RAD51B: variants seen among roughly 807,000 people sequenced by gnomAD.
RAD51B encodes RAD51 paralog B.
A neutral mutation model predicts 42.2 loss-of-function variants in RAD51B; 38 were observed. The ratio of observed to expected loss-of-function variants is 0.90; its 90% CI spans 0.70 to 1.18. The LOEUF (loss-of-function observed/expected upper bound fraction) is 1.18. Ranked by LOEUF, RAD51B falls within the 50% of genes most tolerant of loss-of-function variation. The pLI, the probability that RAD51B is intolerant of heterozygous loss-of-function variation, is 0.00. For synonymous variants in RAD51B, 154 were observed against 145.2 expected, an observed-to-expected ratio of 1.06 and a Z score of -0.43; for missense variants, 373 against 400.7, an observed-to-expected ratio of 0.93 and a Z score of 0.59.
rs533148839 is a variant in RAD51B, at chr14:68,114,741, C to G, written c.757-177143C>G. Reference sequence around the variant, plus strand: ...TTTTATTGGATGTGAGATCATCTGCCAGAGATAATTAATTTCATATTATTT... The same window carrying G: ...TTTTATTGGATGTGAGATCATCTGCGAGAGATAATTAATTTCATATTATTT... On this transcript the variant is annotated intron_variant, in intron 7 of 10. Coordinates refer to ENST00000471583, the MANE Select transcript of RAD51B (RefSeq NM_133510.4). 2.6e-5 allele frequency among the ~76,000 whole-genome samples: 4 copies of G among 152,110 alleles called. No individual in the cohort carries two copies. In the South Asian group the frequency reaches 8.3e-4, roughly 32 times the overall value.
chr14:68,008,869 C>T (rs80168944), intron 7 of RAD51B, among the ~76,000 whole-genome samples: 3,936 of 151,812 alleles, frequency 0.026, 167 homozygotes, highest in African/African-American at 0.09. Context: ...TTTGTTTTTT[C>T]CTCCCTCATT....
intron 5 of RAD51B, among the ~76,000 whole-genome samples, chr14:67,870,970 C>A (rs940549462): frequency 2.0e-5 from 3 of 149,182 alleles, no homozygotes; most frequent in Non-Finnish European, 3.0e-5. Flanking sequence ...ACTAAATGCC[C>A]ACAAGAGAAA....
intron 10 of RAD51B, among the ~76,000 whole-genome samples, chr14:68,621,521 A>G (rs1891947948): frequency 6.6e-6 from 1 of 152,224 alleles, no homozygotes; most frequent in African/African-American, 2.4e-5. Flanking sequence ...GCCCAATTCC[A>G]GAAGAGTTGA....
At chr14:68,581,514 G>T (rs956263524) in intron 10 of RAD51B, among the ~76,000 whole-genome samples, 2 of 152,116 alleles carry the variant, frequency 1.3e-5, no homozygotes, top group Non-Finnish European at 2.9e-5. Flanking sequence ...TGTACAACAA[G>T]CAGTCTGAGG....
chr14:67,949,262 T>C (rs916726581), intron 7 of RAD51B, among the ~76,000 whole-genome samples: 5 of 152,250 alleles, frequency 3.3e-5, no homozygotes, highest in Non-Finnish European at 7.3e-5. Flanking sequence ...CTTTTAATAT[T>C]GGGATCAGTC....
At chr14:68,306,400 A>C (rs145783112) in intron 8 of RAD51B, among the ~76,000 whole-genome samples, 114 of 152,286 alleles carry the variant, frequency 7.5e-4, no homozygotes, top group African/African-American at 2.7e-3. Context: ...TCACAAATGA[A>C]ACTTCACCTA....
At chr14:68,073,155 A>G (rs943204012) in intron 7 of RAD51B, among the ~76,000 whole-genome samples, 3 of 152,098 alleles carry the variant, frequency 2.0e-5, no homozygotes, top group Non-Finnish European at 2.9e-5. Flanking sequence ...GTGGTTATCT[A>G]TGTCTTTTCG....
chr14:68,002,283 TG>T lies in RAD51B; in HGVS notation c.756+115080del, dbSNP rs374487084. Among the ~76,000 whole-genome samples the T allele has an allele frequency of 3.6e-4, 55 of 152,366 alleles. No homozygotes were observed. The East Asian group carries it at 9.4e-3, about 26-fold the overall frequency. On this transcript the variant is annotated intron_variant, in intron 7 of 10. Transcript: ENST00000471583. ...GTGGTTTTGATTTGCATTTCTCCAA[TG>T]ATCAATGATGTGGAGCTTTTTGTTA...
In RAD51B at chr14:68,577,828, C is replaced by T. The variant is rs1280087691; in HGVS notation, c.1037-16657C>T. 5.3e-5 allele frequency among the ~76,000 whole-genome samples: 8 copies of T among 152,184 alleles called. No homozygotes were observed. In the South Asian group the frequency reaches 6.2e-4, roughly 12 times the overall value. On this transcript the variant is annotated intron_variant, in intron 10 of 10. Transcript: ENST00000487270. ...CCCCGGCACTTAGAATCCTACCTGC[C>T]GTGGTGTACATGCTCAATAAGTACT...
chr14:67,943,526 A>G (rs1566970977), intron 7 of RAD51B, among the ~76,000 whole-genome samples: 1 of 152,140 alleles, frequency 6.6e-6, no homozygotes, highest in Non-Finnish European at 1.5e-5. Context: ...CCATCTATCT[A>G]TTATTCCACC....
In RAD51B at chr14:67,835,181, TG is replaced by T; in HGVS notation, c.302del (p.Gly101AspfsTer19). 1 of 1,613,456 alleles carries T rather than the reference TG, an allele frequency of 6.2e-7. No homozygotes were observed. The highest frequency in any genetic ancestry group is 8.5e-7 in the Non-Finnish European group (1 of 1,179,414). ...DEALHGGVAC[G>X]SLTEITGPPG... Reference sequence around the variant, plus strand: ...AAGCCCTGCATGGTGGTGTGGCTTGTGGATCCCTCACAGAGGTAAAGGAAAA... The same window carrying T: ...AAGCCCTGCATGGTGGTGTGGCTTGTGATCCCTCACAGAGGTAAAGGAAAA... On this transcript the variant is annotated frameshift_variant, in exon 4 of 11. Transcript: ENST00000471583. LOFTEE classifies it high-confidence loss of function.
intron 7 of RAD51B, among the ~76,000 whole-genome samples, chr14:68,137,207 C>T (rs547735643): frequency 1.2e-3 from 181 of 152,202 alleles, no homozygotes; most frequent in African/African-American, 4.1e-3. Flanking sequence ...ACCCGGGAGG[C>T]GGAGGTTGCA....
At chr14:68,479,688 T>TTTTTTTTTTTTTTTTTTTG (rs34627518), downstream of RAD51B, among the ~76,000 whole-genome samples, 1 of 137,014 alleles carries the variant, frequency 7.3e-6, no homozygotes, top group African/African-American at 2.9e-5. Context: ...TTTTTTTTTT[T>TTTTTTTTTTTTTTTTTTTG]GCCAGAGTCT....
At chr14:68,334,574 C>G (rs751772417) in intron 8 of RAD51B, among the ~76,000 whole-genome samples, 24 of 151,962 alleles carry the variant, frequency 1.6e-4, no homozygotes, top group African/African-American at 4.8e-4. Context: ...TGTAAGTGGA[C>G]CTTGCAGTTC....
At chr14:67,902,559 T>A (rs1157251811) in intron 7 of RAD51B, among the ~76,000 whole-genome samples, 1 of 152,202 alleles carries the variant, frequency 6.6e-6, no homozygotes, top group Non-Finnish European at 1.5e-5. Flanking sequence ...TGTAACGACA[T>A]CTGGCTTTTA....
chr14:67,962,104 G>A (rs1271158575), intron 7 of RAD51B, among the ~76,000 whole-genome samples: 1 of 152,122 alleles, frequency 6.6e-6, no homozygotes, highest in South Asian at 2.1e-4. Context: ...GAACTAGTAT[G>A]GAATACAATA....
intron 7 of RAD51B, among the ~76,000 whole-genome samples, chr14:67,943,994 T>G (rs2045297196): frequency 6.6e-6 from 1 of 152,164 alleles, no homozygotes; most frequent in Non-Finnish European, 1.5e-5. Flanking sequence ...TTCTCATTTC[T>G]TCAGCACTCT....
At chr14:68,349,735 C>T (rs571404838) in intron 8 of RAD51B, among the ~76,000 whole-genome samples, 1 of 152,298 alleles carries the variant, frequency 6.6e-6, no homozygotes, top group East Asian at 1.9e-4. Flanking sequence ...CCAAGTTGCT[C>T]ACCCTGTGTT....
chr14:68,554,546 C>A (rs900225660), intron 10 of RAD51B, among the ~76,000 whole-genome samples: 3 of 152,224 alleles, frequency 2.0e-5, no homozygotes, highest in Non-Finnish European at 4.4e-5. Context: ...GTGGTGCCTT[C>A]CCTGGCTCCT....
Sources: gnomAD v4.1 joint callset for allele counts (sites outside exome capture counted in the v4.1 genomes callset) on GRCh38, gnomAD v4.1.1 for gene constraint, MANE v1.5 for transcripts, NCBI Gene and HGNC (gene_info 2026-07-23, HGNC 2026-07-21) for gene names.